PLCB4: variants seen among roughly 807,000 people sequenced by gnomAD.
The protein encoded by PLCB4 is phospholipase C beta 4, also known as 1-phosphatidylinositol 4,5-bisphosphate phosphodiesterase beta-4.
Under a neutral mutation model 178.8 loss-of-function variants are expected in PLCB4, and 77 were observed. That is an observed-to-expected ratio of 0.43 (90% CI 0.36 to 0.52). The LOEUF (loss-of-function observed/expected upper bound fraction) is 0.52. Ranked by LOEUF, PLCB4 falls within the 20% of genes least tolerant of loss-of-function variation. The probability of loss-of-function intolerance (pLI) is 0.00; values close to 1 mark genes in which losing one functional copy is unlikely to be tolerated. For synonymous variants in PLCB4, 496 were observed against 490.8 expected, an observed-to-expected ratio of 1.01 and a Z score of -0.14; for missense variants, 1,024 against 1,453.4, an observed-to-expected ratio of 0.70 and a Z score of 4.80.
At chr20:9,079,387 G>T (rs188161780) in intron 1 of PLCB4, among the ~76,000 whole-genome samples, 16 of 152,272 alleles carry the variant, frequency 1.1e-4, no homozygotes, top group Non-Finnish European at 1.6e-4. Flanking sequence ...CTAAGGAAGG[G>T]GCAAGAAAGG....
rs2039071339 is a variant in PLCB4, at chr20:9,402,087, T to C, written c.1611+497T>C. Among the ~76,000 whole-genome samples, 3 of 152,354 alleles carry C rather than the reference T, an allele frequency of 2.0e-5. No homozygotes were observed. In the South Asian group the frequency reaches 6.2e-4, roughly 32 times the overall value. On this transcript the variant is annotated intron_variant, in intron 20 of 39. Coordinates refer to ENST00000378473, the MANE Select transcript of PLCB4 (RefSeq NM_001377142.1). ...CTTTTGTCAGGCATAGTCTAGGCCA[T>C]AATGACCTAAAAGTGTAAAACACAC...
chr20:9,464,894 T>A (rs1342470945), intron 35 of PLCB4, among the ~76,000 whole-genome samples: 1 of 152,092 alleles, frequency 6.6e-6, no homozygotes, highest in Non-Finnish European at 1.5e-5. Context: ...ACTATTCCAA[T>A]CAACAGAAAA....
At chr20:9,323,736 C>G (rs996520625) in intron 4 of PLCB4, among the ~76,000 whole-genome samples, 3 of 152,160 alleles carry the variant, frequency 2.0e-5, no homozygotes, top group African/African-American at 7.2e-5. Context: ...GCAGGGGCTT[C>G]AGCACCCTCA....
chr20:9,347,133 G>A (rs1264709934), intron 7 of PLCB4, among the ~76,000 whole-genome samples: 1 of 152,206 alleles, frequency 6.6e-6, no homozygotes, highest in African/African-American at 2.4e-5. Context: ...GGGAAATGAT[G>A]TGAATAGCTG....
In PLCB4 at chr20:9,199,373, A is replaced by C. The variant is rs537774699; in HGVS notation, c.-78-18017A>C. ...TCATTTATTCATTCAATAAGCATTT[A>C]TTAAACAGTGTAGAAACCCCATGTT... On this transcript the variant is annotated intron_variant, in intron 2 of 39. Coordinates refer to ENST00000378473, the MANE Select transcript of PLCB4 (RefSeq NM_001377142.1). Among the ~76,000 whole-genome samples, 3 of 152,330 alleles carry C rather than the reference A, an allele frequency of 2.0e-5. No individual in the cohort carries two copies. In the South Asian group the frequency reaches 6.2e-4, roughly 32 times the overall value.
At chr20:9,343,340 G>A (rs2033446876) in intron 7 of PLCB4, among the ~76,000 whole-genome samples, 1 of 152,126 alleles carries the variant, frequency 6.6e-6, no homozygotes, top group Non-Finnish European at 1.5e-5. Context: ...TCCATGTGGA[G>A]GAAGCTTTCC....
intron 2 of PLCB4, among the ~76,000 whole-genome samples, chr20:9,213,106 T>C (rs560565713): frequency 7.1e-6 from 1 of 139,888 alleles, no homozygotes; most frequent in African/African-American, 3.2e-5. Context: ...GTCTTTGTGC[T>C]TGGCTTCTCT....
At chr20:9,234,723 A>G (rs1310576673) in intron 3 of PLCB4, among the ~76,000 whole-genome samples, 1 of 152,164 alleles carries the variant, frequency 6.6e-6, no homozygotes, top group East Asian at 1.9e-4. Flanking sequence ...AAATTTTCAT[A>G]GGTTGACACT....
At chr20:9,081,332 A>G (rs1047959122) in intron 1 of PLCB4, among the ~76,000 whole-genome samples, 4 of 152,224 alleles carry the variant, frequency 2.6e-5, no homozygotes, top group African/African-American at 9.6e-5. Context: ...TAATTTGCCA[A>G]ATGTAAGCCA....
chr20:9,459,754 G>T lies in PLCB4; in HGVS notation c.3192G>T (p.Lys1064Asn). The change falls in exon 35 of 40, where the codon AAG (lysine) becomes AAT (asparagine). Residue 1064 changes from lysine (K) to asparagine (N), a missense_variant. Transcript: ENST00000378473. ...GCCAGCAGTGTGAGCTGCTGAAAAAGCTACTCATCAATGCCCACGAGCAGC... is the reference window on the plus strand; with the variant it reads ...GCCAGCAGTGTGAGCTGCTGAAAAATCTACTCATCAATGCCCACGAGCAGC... ...HLSQQCELLKKLLINAHEQQT... is the reference protein window; with the variant it reads ...HLSQQCELLKNLLINAHEQQT... 1 of 1,613,514 alleles carries T rather than the reference G, an allele frequency of 6.2e-7. No homozygotes were observed. The highest frequency in any genetic ancestry group is 8.5e-7 in the Non-Finnish European group (1 of 1,179,598).
At chr20:9,380,728 C>T (rs78958152) in intron 13 of PLCB4, among the ~76,000 whole-genome samples, 4,389 of 152,184 alleles carry the variant, frequency 0.029, 210 homozygotes, top group African/African-American at 0.1. Context: ...AAATATTTGT[C>T]AAAGGAAAGG....
chr20:9,248,769 A>C (rs1601426594), intron 3 of PLCB4, among the ~76,000 whole-genome samples: 1 of 152,166 alleles, frequency 6.6e-6, no homozygotes, highest in Non-Finnish European at 1.5e-5. Context: ...TTCCTTTATG[A>C]GGTTTTCTCT....
chr20:9,204,003 C>T (rs1162375899), intron 2 of PLCB4, among the ~76,000 whole-genome samples: 1 of 151,796 alleles, frequency 6.6e-6, no homozygotes, highest in Non-Finnish European at 1.5e-5. Context: ...GGTTCTTTCT[C>T]CCCCATGACT....
At chr20:9,242,455 G>A (rs1234010934) in intron 3 of PLCB4, among the ~76,000 whole-genome samples, 1 of 152,262 alleles carries the variant, frequency 6.6e-6, no homozygotes, top group Non-Finnish European at 1.5e-5. Context: ...CCCTTGACAA[G>A]CTTGCCTCAG....
chr20:9,100,793 G>A (rs756808449), intron 2 of PLCB4, among the ~76,000 whole-genome samples: 6 of 152,036 alleles, frequency 3.9e-5, no homozygotes, highest in African/African-American at 7.2e-5. Context: ...ATTGTTTCAC[G>A]TTATGTTTTG....
chr20:9,405,562 C>T (rs1326620980), intron 21 of PLCB4, among the ~76,000 whole-genome samples: 2 of 152,134 alleles, frequency 1.3e-5, no homozygotes, highest in Non-Finnish European at 2.9e-5. Context: ...TGCAGTGGAA[C>T]TACATGATCA....
Position 9,437,170 on chromosome 20 carries a change from G to C in PLCB4, c.2764+18G>C. ...CAAGAAAGGTGAGAGAGAGCCGTTGGGTTCCTTATCTTCTGCACCCACCTT... is the reference window on the plus strand; with the variant it reads ...CAAGAAAGGTGAGAGAGAGCCGTTGCGTTCCTTATCTTCTGCACCCACCTT... On this transcript the variant is annotated intron_variant, in intron 30 of 39. Coordinates refer to ENST00000378473, the MANE Select transcript of PLCB4 (RefSeq NM_001377142.1). 1 of 1,610,172 alleles carries C rather than the reference G, an allele frequency of 6.2e-7. No individual in the cohort carries two copies. Among genetic ancestry groups the C allele is most frequent in the Non-Finnish European group, 8.5e-7 (1 of 1,177,490 alleles).
intron 1 of PLCB4, among the ~76,000 whole-genome samples, chr20:9,074,788 A>G (rs2089752998): frequency 1.4e-5 from 1 of 70,074 alleles, no homozygotes; most frequent in African/African-American, 7.7e-5. Flanking sequence ...TCTCCCAGCT[A>G]GGCTTTTTTT....
chr20:9,077,482 G>GT (rs2089927575), intron 1 of PLCB4, among the ~76,000 whole-genome samples: 1 of 152,304 alleles, frequency 6.6e-6, no homozygotes. Context: ...TACTAATTCA[G>GT]TAAGATTTCA....
Sources: allele counts gnomAD v4.1 joint callset (sites outside exome capture counted in the v4.1 genomes callset), GRCh38; gene constraint gnomAD v4.1.1; transcripts MANE v1.5; gene names NCBI Gene and HGNC (gene_info 2026-07-23, HGNC 2026-07-21).